Variants in ATP5IF1 observed in about 807,000 individuals in gnomAD.
ATP5IF1 encodes the protein ATP synthase inhibitory factor subunit 1.
A neutral mutation model predicts 8.5 loss-of-function variants in ATP5IF1; 12 were observed. That is an observed-to-expected ratio of 1.41 (90% CI 0.90 to 2.28). The LOEUF is 2.28. ATP5IF1 is among the 30% of genes most tolerant of loss of function. The probability of loss-of-function intolerance (pLI) is 0.00; values close to 1 mark genes in which losing one functional copy is unlikely to be tolerated. For synonymous variants in ATP5IF1, 51 were observed against 53.4 expected (o/e 0.96, Z 0.19); for missense variants, 154 against 140.2 (o/e 1.10, Z -0.50).
chr1:28,237,700 G>A, intron 2 of ATP5IF1, 137 bp from the exon 3 acceptor site: 2 of 1,603,560 alleles, frequency 1.2e-6, no homozygotes, highest in Non-Finnish European at 1.7e-6. Flanking sequence ...CACTAGTTGA[G>A]GAGTAGAAGA....
In ATP5IF1 at chr1:28,237,738, T is replaced by C. The variant is rs757140062; in HGVS notation, c.180-99T>C. ...ATGACCAGCTAGACTCCCATGGAAT[T>C]GGAACTCCTATTCCTTGCTTAGACA... On this transcript the variant is annotated intron_variant, in intron 2 of 2. Transcript: ENST00000335514. 19 of 1,613,468 alleles carry C rather than the reference T, an allele frequency of 1.2e-5. No homozygotes were observed. The Admixed American group carries it at 3.2e-4, about 27-fold the overall frequency.
Position 28,236,155 on chromosome 1 carries a change from G to T in ATP5IF1, c.-29G>T. ...TAACGAGAGACTGCTTGCTGCGGCA[G>T]AGACGCCAGAGGTGCAGCTCCAGCA... is the stretch of plus-strand genomic sequence containing the variant. On this transcript the variant is annotated 5_prime_UTR_variant, in exon 1 of 3. Transcript: ENST00000335514. 1 of 1,609,492 alleles carries T rather than the reference G, an allele frequency of 6.2e-7. No homozygotes were observed. Among genetic ancestry groups the T allele is most frequent in the South Asian group, 1.1e-5 (1 of 91,028 alleles).
Position 28,236,240 on chromosome 1 carries a change from C to G in ATP5IF1, c.57C>G (p.Thr19=). 1 of 1,614,010 alleles carries G rather than the reference C, an allele frequency of 6.2e-7. No individual in the cohort carries two copies. The highest frequency in any genetic ancestry group is 1.3e-5 in the African/African-American group (1 of 75,052). Residue 19 remains threonine, a synonymous_variant, in exon 1 of 3, where the codon ACC becomes ACG. Transcript: ENST00000335514. ...RTWLGVWGVR[T]MQARGFGSDQ... ...GGCTTGGCGTGTGGGGCGTGAGGAC[C>G]ATGCAAGCCCGAGGCTTCGGCTCGG...
Position 28,238,021 on chromosome 1 carries a change from T to G in ATP5IF1, c.*43T>G. On this transcript the variant is annotated 3_prime_UTR_variant, in exon 3 of 3. Transcript: ENST00000335514. The stretch of plus-strand genomic sequence containing the variant: ...TAGAATGGCACATGTCATTGCCCAC[T>G]TCTGTGTAGACATGGTTCTGGTTTA... 6.4e-7 allele frequency: 1 copy of G among 1,566,064 alleles called. No individual in the cohort carries two copies. The highest frequency in any genetic ancestry group is 8.7e-7 in the Non-Finnish European group (1 of 1,153,724).
At chr1:28,237,813 C>T in intron 2 of ATP5IF1, 24 bp from the exon 3 acceptor site, 1 of 1,614,140 alleles carries the variant, frequency 6.2e-7, no homozygotes, top group Non-Finnish European at 8.5e-7. Flanking sequence ...TGAAATTAAA[C>T]CCTGAGCCAC....
At chr1:28,236,738 C>G (rs993573278) in intron 2 of ATP5IF1, 3 of 1,344,504 alleles carry the variant, frequency 2.2e-6, no homozygotes, top group Admixed American at 3.0e-5. Context: ...ATTACCATCT[C>G]CCGCGTGGAG....
chr1:28,236,165 A>AGCTCCAGAGACGCCAGG lies in ATP5IF1; in HGVS notation c.-18_-17insCTCCAGAGACGCCAGGG, dbSNP rs1557718873. ...CTGCTTGCTGCGGCAGAGACGCCAG[A>AGCTCCAGAGACGCCAGG]GGTGCAGCTCCAGCAGCAATGGCAG... On this transcript the variant is annotated 5_prime_UTR_variant, in exon 1 of 3. Transcript: ENST00000335514. 6.2e-7 allele frequency: 1 copy of AGCTCCAGAGACGCCAGG among 1,610,682 alleles called. No individual in the cohort carries two copies. The highest frequency in any genetic ancestry group is 8.5e-7 in the Non-Finnish European group (1 of 1,179,686).
intron 2 of ATP5IF1, chr1:28,237,583 G>C: frequency 6.9e-7 from 1 of 1,446,064 alleles, no homozygotes. Context: ...TTAGGGACTT[G>C]TGTCACATCT....
intron 2 of ATP5IF1, chr1:28,236,738 C>T: frequency 7.4e-7 from 1 of 1,344,504 alleles, no homozygotes; most frequent in Non-Finnish European, 9.6e-7. Context: ...ATTACCATCT[C>T]CCGCGTGGAG....
Position 28,237,979 on chromosome 1 carries a change from G to T in ATP5IF1, c.*1G>T. On this transcript the variant is annotated 3_prime_UTR_variant, in exon 3 of 3. Transcript: ENST00000335514. ...CAAAATGCTAAAACATGATGATTAA[G>T]TGCACACCGTGTGCCATAGAATGGC... 1.2e-6 allele frequency: 2 copies of T among 1,608,098 alleles called. No individual in the cohort carries two copies. The highest frequency in any genetic ancestry group is 1.7e-6 in the Non-Finnish European group (2 of 1,179,436).
Position 28,237,999 on chromosome 1 carries a change from A to C in ATP5IF1, c.*21A>C, listed in dbSNP as rs1280661513. ...ATTAAGTGCACACCGTGTGCCATAG[A>C]ATGGCACATGTCATTGCCCACTTCT... On this transcript the variant is annotated 3_prime_UTR_variant, in exon 3 of 3. Coordinates refer to ENST00000335514, the MANE Select transcript of ATP5IF1 (RefSeq NM_016311.5). 1 of 1,596,742 alleles carries C rather than the reference A, an allele frequency of 6.3e-7. No individual in the cohort carries two copies. The highest frequency in any genetic ancestry group is 8.5e-7 in the Non-Finnish European group (1 of 1,173,358).
chr1:28,237,149 A>G (rs1647044368), intron 2 of ATP5IF1: 2 of 992,362 alleles, frequency 2.0e-6, no homozygotes, highest in Non-Finnish European at 2.4e-6. Context: ...GAGAGCAGTG[A>G]GGAATTAATC....
chr1:28,236,867 C>T, intron 2 of ATP5IF1: 1 of 1,143,956 alleles, frequency 8.7e-7, no homozygotes, highest in Non-Finnish European at 1.1e-6. Context: ...ACCCCCTCTA[C>T]GCTCTCCTTC....
chr1:28,236,889 G>A, intron 2 of ATP5IF1: 1 of 1,121,034 alleles, frequency 8.9e-7, no homozygotes, highest in Admixed American at 4.5e-5. Context: ...TCGCCAGCAC[G>A]CCTTAGCTTT....
intron 2 of ATP5IF1, 126 bp downstream of exon 2, chr1:28,236,578 G>T: frequency 6.5e-7 from 1 of 1,547,138 alleles, no homozygotes; most frequent in Non-Finnish European, 8.7e-7. Flanking sequence ...CAGAACTCCC[G>T]GGCCCCAATC....
At chr1:28,237,812 A>G (rs774827581) in intron 2 of ATP5IF1, 25 bp from the exon 3 acceptor site, 1 of 1,614,110 alleles carries the variant, frequency 6.2e-7, no homozygotes. Flanking sequence ...TTGAAATTAA[A>G]CCCTGAGCCA....
At chr1:28,237,214 C>T (rs956311861) in intron 2 of ATP5IF1, 10 of 991,426 alleles carry the variant, frequency 1.0e-5, no homozygotes, top group Admixed American at 1.2e-4. Flanking sequence ...AGAATTATCA[C>T]CATGACACCT....
chr1:28,237,905 A>T lies in ATP5IF1; in HGVS notation c.248A>T (p.Lys83Met), dbSNP rs1216471840. 1.2e-6 allele frequency: 2 copies of T among 1,614,164 alleles called. No homozygotes were observed. The highest frequency in any genetic ancestry group is 1.7e-6 in the Non-Finnish European group (2 of 1,180,040). The change falls in exon 3 of 3, where the codon AAG becomes ATG. Residue 83 changes from lysine (K) to methionine (M), a missense_variant. Coordinates refer to ENST00000335514, the MANE Select transcript of ATP5IF1 (RefSeq NM_016311.5). ...GAAGAAGAAATCGTTCATCATAAGAAGGAGATTGAGCGTCTGCAGAAAGAA... is the reference window on the plus strand; with the variant it reads ...GAAGAAGAAATCGTTCATCATAAGATGGAGATTGAGCGTCTGCAGAAAGAA... ...HHEEEIVHHK[K>M]EIERLQKEIE... is the part of the protein sequence containing the mutation.
chr1:28,236,910 A>G (rs1047789948), intron 2 of ATP5IF1: 4 of 1,106,266 alleles, frequency 3.6e-6, no homozygotes, highest in Non-Finnish European at 4.4e-6. Flanking sequence ...GCAAGCCTGC[A>G]TGCATTCAGG....
Sources: gnomAD v4.1 joint callset for allele counts on GRCh38, gnomAD v4.1.1 for gene constraint, MANE v1.5 for transcripts, NCBI Gene and HGNC (gene_info 2026-07-23, HGNC 2026-07-21) for gene names.